Variants in SVEP1 observed in about 807,000 individuals in gnomAD.
SVEP1 encodes the protein sushi, von Willebrand factor type A, EGF and pentraxin domain-containing protein 1.
A neutral mutation model predicts 367.3 loss-of-function variants in SVEP1; 164 were observed. The observed-to-expected ratio is 0.45, with a 90% CI of 0.39 to 0.51. The LOEUF is 0.51. SVEP1 is among the 20% of genes least tolerant of loss of function. SVEP1 has a pLI of 0.00. For missense variants in SVEP1, 4,117 were observed against 4,425.3 expected (o/e 0.93, Z 1.98); for synonymous variants, 1,666 against 1,611.6 (o/e 1.03, Z -0.81).
chr9:110,497,325 C>T (rs2118742188), intron 7 of SVEP1, among the ~76,000 whole-genome samples: 1 of 152,314 alleles, frequency 6.6e-6, no homozygotes, highest in South Asian at 2.1e-4. Context: ...TTAGACACAG[C>T]TCCTCAGGAA....
intron 27 of SVEP1, among the ~76,000 whole-genome samples, chr9:110,438,144 C>T (rs185376948): frequency 3.4e-5 from 5 of 145,476 alleles, no homozygotes; most frequent in African/African-American, 1.0e-4. Context: ...ATCTTGAACG[C>T]GTTCTCATTT....
intron 5 of SVEP1, among the ~76,000 whole-genome samples, chr9:110,510,710 C>T (rs937987122): frequency 9.2e-5 from 14 of 152,196 alleles, no homozygotes; most frequent in Non-Finnish European, 1.6e-4. Context: ...CTCTGATTTT[C>T]TCACTCCTCT....
chr9:110,572,774 C>CCT (rs1428977108), intron 1 of SVEP1, among the ~76,000 whole-genome samples: 8 of 108,550 alleles, frequency 7.4e-5, no homozygotes, highest in Admixed American at 2.2e-4. Flanking sequence ...AGAGGGTGAC[C>CCT]CTCTCTCTCT....
chr9:110,569,810 A>G (rs1331142494), intron 1 of SVEP1, among the ~76,000 whole-genome samples: 2 of 152,262 alleles, frequency 1.3e-5, no homozygotes, highest in Non-Finnish European at 2.9e-5. Flanking sequence ...CACATTTAGT[A>G]CATCTATGAA....
At chr9:110,395,459 G>A (rs369268376) in intron 40 of SVEP1, among the ~76,000 whole-genome samples, 71 of 151,756 alleles carry the variant, frequency 4.7e-4, no homozygotes, top group Admixed American at 1.9e-3. Context: ...AAGCAAAATA[G>A]CCAGCTGACA....
chr9:110,413,129 T>C (rs1290861184), intron 36 of SVEP1, among the ~76,000 whole-genome samples: 1 of 142,600 alleles, frequency 7.0e-6, no homozygotes, highest in East Asian at 2.0e-4. Context: ...TAGCAAAGAC[T>C]TGGAACCAAC....
intron 8 of SVEP1, among the ~76,000 whole-genome samples, chr9:110,492,927 G>A (rs927389208): frequency 2.0e-5 from 3 of 152,144 alleles, no homozygotes; most frequent in African/African-American, 7.2e-5. Flanking sequence ...ACAGGTGGCT[G>A]CATCTCTCCT....
At chr9:110,501,042 C>G (rs1008606201) in intron 6 of SVEP1, among the ~76,000 whole-genome samples, 2 of 149,248 alleles carry the variant, frequency 1.3e-5, no homozygotes, top group Admixed American at 1.3e-4. Flanking sequence ...AAGTTCTTTC[C>G]TTAGGTTAAT....
At chr9:110,568,458 C>T (rs1830516736) in intron 1 of SVEP1, among the ~76,000 whole-genome samples, 2 of 152,100 alleles carry the variant, frequency 1.3e-5, no homozygotes, top group Non-Finnish European at 2.9e-5. Flanking sequence ...AGGATTTATA[C>T]TTTTATTGCA....
chr9:110,438,158 G>A (rs1157812458), intron 27 of SVEP1, among the ~76,000 whole-genome samples: 1 of 141,906 alleles, frequency 7.0e-6, no homozygotes, highest in Admixed American at 7.1e-5. Context: ...CTCATTTCAT[G>A]AGTTTTAGTA....
At chr9:110,392,486 T>C (rs1286415671) in intron 40 of SVEP1, among the ~76,000 whole-genome samples, 1 of 152,154 alleles carries the variant, frequency 6.6e-6, no homozygotes, top group Non-Finnish European at 1.5e-5. Flanking sequence ...CAGAGACACA[T>C]AATGTCTGGT....
intron 27 of SVEP1, among the ~76,000 whole-genome samples, chr9:110,442,199 G>T (rs1318104674): frequency 6.6e-6 from 1 of 152,130 alleles, no homozygotes; most frequent in Non-Finnish European, 1.5e-5. Flanking sequence ...GCTTGCCTCA[G>T]TGTGAAATTA....
At chr9:110,416,377 A>T (rs1388933170) in intron 36 of SVEP1, among the ~76,000 whole-genome samples, 27 of 152,062 alleles carry the variant, frequency 1.8e-4, no homozygotes, top group Non-Finnish European at 5.9e-5. Context: ...AAAAATTAAA[A>T]ACAATGGACA....
intron 28 of SVEP1, 87 bp from the exon 29 acceptor site, chr9:110,435,451 T>C: frequency 6.8e-7 from 1 of 1,479,380 alleles, no homozygotes; most frequent in Non-Finnish European, 9.1e-7. Flanking sequence ...ATTGAAAACA[T>C]TCACAGATTT....
intron 4 of SVEP1, among the ~76,000 whole-genome samples, chr9:110,513,533 T>G (rs1360623660): frequency 6.6e-6 from 1 of 152,190 alleles, no homozygotes; most frequent in African/African-American, 2.4e-5. Flanking sequence ...ATTTAAATAT[T>G]TGTAATTTTT....
intron 16 of SVEP1, 142 bp downstream of exon 16, chr9:110,471,222 A>C (rs1829012190): frequency 2.9e-6 from 2 of 685,336 alleles, no homozygotes; most frequent in African/African-American, 3.6e-5. Context: ...GACTCTTGAG[A>C]CAAAATAGTA....
chr9:110,430,102 G>GTT, intron 33 of SVEP1, 98 bp from the exon 34 acceptor site: 1 of 1,163,148 alleles, frequency 8.6e-7, no homozygotes, highest in Non-Finnish European at 1.1e-6. Context: ...TTGTTTGTTT[G>GTT]TTTTCTTTTT....
rs574081306 is a variant in SVEP1, at chr9:110,507,159, A to G, written c.1304-3942T>C. On this transcript the variant is annotated intron_variant, in intron 5 of 47. Coordinates refer to ENST00000374469, the MANE Select transcript of SVEP1 (RefSeq NM_153366.4). The stretch of plus-strand genomic sequence containing the variant: ...TACAAAAGACAGAAATAACCCCTAC[A>G]AAAGAATAAAGTTCAGTTTCCTCTC... Among the ~76,000 whole-genome samples, 5 of 152,394 alleles carry G rather than the reference A, an allele frequency of 3.3e-5. No homozygotes were observed. The East Asian group carries it at 7.7e-4, about 23-fold the overall frequency.
intron 7 of SVEP1, 130 bp from the exon 8 acceptor site, chr9:110,497,063 G>A (rs776557403): frequency 4.5e-5 from 26 of 574,942 alleles, no homozygotes; most frequent in Middle Eastern, 5.0e-4. Context: ...CTGATTGTTC[G>A]GAATCTGCAC....
Sources: allele counts gnomAD v4.1 joint callset (sites outside exome capture counted in the v4.1 genomes callset), GRCh38; gene constraint gnomAD v4.1.1; transcripts MANE v1.5; gene names NCBI Gene and HGNC (gene_info 2026-07-23, HGNC 2026-07-21).